CAST: variants seen among roughly 807,000 people sequenced by gnomAD.
The protein encoded by CAST is MIR583 host.
In CAST, 76 loss-of-function variants were observed where a neutral mutation model predicts 119.6. The ratio of observed to expected loss-of-function variants is 0.64; its 90% CI spans 0.53 to 0.77. The LOEUF is 0.77. CAST is among the 30% of genes least tolerant of loss of function. CAST has a pLI of 0.00. For missense variants in CAST, 953 were observed against 946.5 expected (o/e 1.01, Z -0.09); for synonymous variants, 319 against 331.6 (o/e 0.96, Z 0.41).
At chr5:96,306,715 T>C in the CAST span, among the ~76,000 whole-genome samples, 1 of 152,230 alleles carries the variant, frequency 6.6e-6, no homozygotes, top group African/African-American at 2.4e-5. Context: ...TACACAGTAG[T>C]CATTCAAGAG....
chr5:96,754,197 T>A, intron 21 of CAST, 36 bp downstream of exon 21: 1 of 1,199,328 alleles, frequency 8.3e-7, no homozygotes, highest in Non-Finnish European at 1.2e-6. Flanking sequence ...AAAATAAATA[T>A]CATTGATCAC....
chr5:96,696,040 G>A, intron 3 of CAST, 133 bp downstream of exon 3: 1 of 465,554 alleles, frequency 2.1e-6, no homozygotes, highest in East Asian at 3.3e-5. Context: ...TCATTTCTGT[G>A]CTAGAAGAGA....
At chr5:96,505,761 CAGG>C in the CAST span, among the ~76,000 whole-genome samples, 3 of 152,212 alleles carry the variant, frequency 2.0e-5, no homozygotes, top group African/African-American at 7.2e-5. Context: ...TTTGGGTGCA[CAGG>C]CCTTGTCAGT....
At chr5:96,710,078 C>A (rs1450609814) in intron 3 of CAST, among the ~76,000 whole-genome samples, 2 of 152,132 alleles carry the variant, frequency 1.3e-5, no homozygotes, top group Admixed American at 6.5e-5. Flanking sequence ...TACTTCAGGG[C>A]AAGCATGTAT....
chr5:96,692,157 C>T (rs1346232404), intron 2 of CAST, among the ~76,000 whole-genome samples: 2 of 152,082 alleles, frequency 1.3e-5, no homozygotes, highest in Admixed American at 6.6e-5. Context: ...GGATCCAGCC[C>T]TATCACTAGT....
the CAST span, among the ~76,000 whole-genome samples, chr5:96,248,858 T>C: frequency 6.6e-6 from 1 of 152,250 alleles, no homozygotes; most frequent in Non-Finnish European, 1.5e-5. Context: ...TTAATTTTGT[T>C]GTCAGATGTA....
chr5:96,508,582 T>C, the CAST span, among the ~76,000 whole-genome samples: 224 of 152,228 alleles, frequency 1.5e-3, no homozygotes, highest in Middle Eastern at 0.024. Flanking sequence ...AGATATGTGA[T>C]TGGGAGAATG....
chr5:96,238,337 C>CTTG, the CAST span, among the ~76,000 whole-genome samples: 2 of 44,910 alleles, frequency 4.5e-5, no homozygotes, highest in Non-Finnish European at 1.1e-4. Flanking sequence ...TCTTCTTCTT[C>CTTG]TTCTTCTTCA....
the CAST span, among the ~76,000 whole-genome samples, chr5:96,421,129 T>C: frequency 4.1e-4 from 62 of 152,348 alleles, no homozygotes; most frequent in African/African-American, 1.4e-3. Flanking sequence ...GTGAAGTTTC[T>C]TTGGGGCTAG....
chr5:96,437,783 T>C, the CAST span, among the ~76,000 whole-genome samples: 1,288 of 152,318 alleles, frequency 8.5e-3, 58 homozygotes, highest in Admixed American at 0.079. Flanking sequence ...CTACTTAACA[T>C]GCCTGGTATA....
At chr5:96,428,062 T>C in the CAST span, among the ~76,000 whole-genome samples, 1 of 152,184 alleles carries the variant, frequency 6.6e-6, no homozygotes, top group Admixed American at 6.5e-5. Flanking sequence ...ATTGTCAGGA[T>C]GTTGTTGTTT....
chr5:96,491,795 G>A, the CAST span, among the ~76,000 whole-genome samples: 125,631 of 152,160 alleles, frequency 0.83, 53,082 homozygotes, highest in Non-Finnish European at 0.94. Flanking sequence ...AAATTGTGCT[G>A]TATCCCTACA....
chr5:96,682,345 G>A (rs1751526128), intron 2 of CAST, among the ~76,000 whole-genome samples: 1 of 152,200 alleles, frequency 6.6e-6, no homozygotes, highest in Non-Finnish European at 1.5e-5. Flanking sequence ...TCTAATACAG[G>A]TTTAAATTTT....
the CAST span, among the ~76,000 whole-genome samples, chr5:96,320,392 C>A: frequency 6.6e-6 from 1 of 151,948 alleles, no homozygotes; most frequent in Non-Finnish European, 1.5e-5. Flanking sequence ...CGCCTGCCAC[C>A]ACACCCGGCC....
the CAST span, among the ~76,000 whole-genome samples, chr5:96,290,893 A>G: frequency 1.3e-5 from 2 of 152,316 alleles, no homozygotes; most frequent in Middle Eastern, 3.4e-3. Context: ...TGTAATCTAT[A>G]GGACCTTGGG....
chr5:96,012,707 GA>G, the CAST span, among the ~76,000 whole-genome samples: 3 of 152,202 alleles, frequency 2.0e-5, no homozygotes, highest in Non-Finnish European at 4.4e-5. Flanking sequence ...TTATCAACTA[GA>G]TGGATTGAAT....
the CAST span, among the ~76,000 whole-genome samples, chr5:96,148,985 CTG>C: frequency 6.6e-6 from 1 of 152,184 alleles, no homozygotes; most frequent in Non-Finnish European, 1.5e-5. Context: ...AATTTTGAAA[CTG>C]TTATATTTGT....
intron 25 of CAST, among the ~76,000 whole-genome samples, chr5:96,764,830 G>T (rs1026888152): frequency 1.3e-4 from 20 of 152,104 alleles, no homozygotes; most frequent in Admixed American, 1.3e-3. Context: ...TTTTCTAATG[G>T]TGTTTAATTT....
chr5:96,469,387 C>T, the CAST span, among the ~76,000 whole-genome samples: 3 of 151,964 alleles, frequency 2.0e-5, no homozygotes, highest in East Asian at 5.8e-4. Context: ...AAAGATCAGG[C>T]TCTTGACTGA....
Sources: allele counts gnomAD v4.1 joint callset (sites outside exome capture counted in the v4.1 genomes callset), GRCh38; gene constraint gnomAD v4.1.1; transcripts MANE v1.5; gene names NCBI Gene and HGNC (gene_info 2026-07-23, HGNC 2026-07-21).